Variants in GSK3B observed in about 807,000 individuals in gnomAD.
GSK3B encodes the protein glycogen synthase kinase 3 beta.
GSK3B carries 15 observed loss-of-function variants against 56.4 expected under a neutral mutation model. The observed-to-expected ratio is 0.27, with a 90% CI of 0.18 to 0.41. The LOEUF (loss-of-function observed/expected upper bound fraction) is 0.41. Among genes scored for constraint, GSK3B ranks in the 10% least tolerant of loss-of-function variants. The pLI is 1.00. For synonymous variants in GSK3B, 181 were observed against 188.9 expected, an observed-to-expected ratio of 0.96 and a Z score of 0.34; for missense variants, 300 against 513.4, an observed-to-expected ratio of 0.58 and a Z score of 4.02.
Position 120,002,094 on chromosome 3 carries a change from T to C in GSK3B, c.234A>G (p.Ser78=), listed in dbSNP as rs763828967. Residue 78 remains serine, a synonymous_variant, in exon 2 of 11, where the codon TCA becomes TCG. Transcript: ENST00000264235. ...GVVYQAKLCD[S]GELVAIKKVL... The stretch of plus-strand genomic sequence containing the variant: ...CTTTCTTGATGGCGACCAGTTCTCC[T>C]GAATCACAAAGTTTGGCTTGATATA... 6.8e-6 allele frequency: 11 copies of C among 1,608,872 alleles called. No homozygotes were observed. The East Asian group carries it at 2.5e-4, about 36-fold the overall frequency.
chr3:120,082,830 G>A (rs577884846), intron 1 of GSK3B, among the ~76,000 whole-genome samples: 2 of 152,062 alleles, frequency 1.3e-5, no homozygotes, highest in South Asian at 2.1e-4. Context: ...GATACACTAG[G>A]TTAAATAAAA....
At chr3:120,038,642 C>A (rs766497768) in intron 1 of GSK3B, among the ~76,000 whole-genome samples, 9 of 152,140 alleles carry the variant, frequency 5.9e-5, no homozygotes, top group Non-Finnish European at 1.2e-4. Flanking sequence ...TCAACTTACA[C>A]AAAAATTAAC....
intron 3 of GSK3B, among the ~76,000 whole-genome samples, chr3:119,926,143 G>A (rs1323960707): frequency 6.6e-6 from 1 of 151,932 alleles, no homozygotes; most frequent in Non-Finnish European, 1.5e-5. Flanking sequence ...ACTCCCCCTT[G>A]ATAATCTCAT....
chr3:119,978,075 A>G (rs1011143536), intron 2 of GSK3B, among the ~76,000 whole-genome samples: 2 of 152,294 alleles, frequency 1.3e-5, no homozygotes, highest in Admixed American at 1.3e-4. Context: ...CATCTTGAAC[A>G]AGCCCCTCAT....
chr3:120,094,048 C>CGGT lies in GSK3B; in HGVS notation c.-617_-615dup, dbSNP rs2058541043. ...CGAGTCAGTCAGAGGCGGGCGGTGG[C>CGGT]GGTGGCGGCGGCTCCTCTCCTCATT... is the stretch of plus-strand genomic sequence containing the variant. On this transcript the variant is annotated 5_prime_UTR_variant, in exon 1 of 11. Transcript: ENST00000264235. The CGGT allele has an allele frequency of 8.8e-6, 2 of 226,844 alleles. No homozygotes were observed. Among genetic ancestry groups the CGGT allele is most frequent in the Non-Finnish European group, 1.8e-5 (2 of 113,156 alleles). 14.1% of individuals were successfully genotyped at this position (226,844 alleles called of 1,614,324 possible).
chr3:120,052,433 T>C (rs1026912654), intron 1 of GSK3B, among the ~76,000 whole-genome samples: 1 of 152,182 alleles, frequency 6.6e-6, no homozygotes, highest in African/African-American at 2.4e-5. Flanking sequence ...GGCTGAAAGA[T>C]TCATGAGCCT....
chr3:119,881,993 C>G (rs1279708928), intron 7 of GSK3B, among the ~76,000 whole-genome samples: 1 of 152,162 alleles, frequency 6.6e-6, no homozygotes, highest in Non-Finnish European at 1.5e-5. Context: ...ATTGTGAGGC[C>G]TTCCCAGGCA....
chr3:119,958,333 A>G (rs2057236147), intron 2 of GSK3B, among the ~76,000 whole-genome samples: 2 of 148,168 alleles, frequency 1.3e-5, no homozygotes, highest in South Asian at 2.1e-4. Context: ...GGACTAACAC[A>G]GATGCCATAC....
At chr3:120,090,647 C>A (rs1381930385) in intron 1 of GSK3B, among the ~76,000 whole-genome samples, 1 of 152,132 alleles carries the variant, frequency 6.6e-6, no homozygotes, top group Non-Finnish European at 1.5e-5. Context: ...ACCCCACTTT[C>A]ACATTTTACT....
chr3:119,874,751 C>T (rs2056291185), intron 8 of GSK3B, among the ~76,000 whole-genome samples: 1 of 151,866 alleles, frequency 6.6e-6, no homozygotes, highest in Non-Finnish European at 1.5e-5. Flanking sequence ...AAAATAAAAT[C>T]ATGCACTTTC....
chr3:119,862,540 A>AG (rs1235220022), intron 9 of GSK3B, among the ~76,000 whole-genome samples: 30 of 149,290 alleles, frequency 2.0e-4, no homozygotes, highest in South Asian at 1.1e-3. Flanking sequence ...AAAAAAAAAA[A>AG]AAAGAAAGAT....
chr3:120,027,338 C>T (rs371359347), intron 1 of GSK3B, among the ~76,000 whole-genome samples: 43 of 149,894 alleles, frequency 2.9e-4, no homozygotes, highest in African/African-American at 1.1e-3. Flanking sequence ...GATCACGCCA[C>T]AGCACTCCAG....
chr3:119,887,899 A>G (rs1174351098), intron 7 of GSK3B, among the ~76,000 whole-genome samples: 1 of 152,118 alleles, frequency 6.6e-6, no homozygotes, highest in Non-Finnish European at 1.5e-5. Context: ...TCAACAGTTG[A>G]CTTCTTAACA....
intron 2 of GSK3B, among the ~76,000 whole-genome samples, chr3:119,953,532 T>C (rs2057179725): frequency 6.6e-6 from 1 of 152,116 alleles, no homozygotes; most frequent in African/African-American, 2.4e-5. Flanking sequence ...GAGCGGCACA[T>C]GTTGGCAGAG....
chr3:119,919,230 T>G (rs890079257), intron 4 of GSK3B, among the ~76,000 whole-genome samples: 1 of 152,142 alleles, frequency 6.6e-6, no homozygotes, highest in Non-Finnish European at 1.5e-5. Context: ...AGAAATGCAG[T>G]TGCCATTCTG....
chr3:120,078,914 T>TAC (rs57127586), intron 1 of GSK3B, among the ~76,000 whole-genome samples: 11,054 of 138,082 alleles, frequency 0.08, 539 homozygotes, highest in African/African-American at 0.14. Context: ...GACAGGAAAT[T>TAC]ACACACACAC....
At chr3:119,985,804 T>C (rs1273521404) in intron 2 of GSK3B, among the ~76,000 whole-genome samples, 1 of 152,204 alleles carries the variant, frequency 6.6e-6, no homozygotes, top group African/African-American at 2.4e-5. Context: ...AAGCTACCAA[T>C]GACTTTCTTC....
intron 1 of GSK3B, among the ~76,000 whole-genome samples, chr3:120,070,445 C>T (rs1187729236): frequency 6.6e-6 from 1 of 151,864 alleles, no homozygotes; most frequent in Non-Finnish European, 1.5e-5. Flanking sequence ...TAGTTACTAT[C>T]ACCACTTCCA....
chr3:119,897,561 AC>A (rs1682647869), intron 7 of GSK3B, among the ~76,000 whole-genome samples: 1 of 151,974 alleles, frequency 6.6e-6, no homozygotes, highest in South Asian at 2.1e-4. Flanking sequence ...AAAGTTGCAT[AC>A]AAACTGTTTG....
Sources: gnomAD v4.1 joint callset for allele counts (sites outside exome capture counted in the v4.1 genomes callset) on GRCh38, gnomAD v4.1.1 for gene constraint, MANE v1.5 for transcripts, NCBI Gene and HGNC (gene_info 2026-07-23, HGNC 2026-07-21) for gene names.